The following ZNF451 variants were observed in gnomAD, a reference collection of about 807,000 sequenced individuals.
The protein encoded by ZNF451 is E3 SUMO-protein ligase ZNF451.
Under a neutral mutation model 107.1 loss-of-function variants are expected in ZNF451, and 80 were observed. That is an observed-to-expected ratio of 0.75 (90% confidence interval 0.62 to 0.90). The LOEUF is 0.90. Ranked by LOEUF, ZNF451 falls within the 40% of genes least tolerant of loss-of-function variation. The pLI, the probability that ZNF451 is intolerant of heterozygous loss-of-function variation, is 0.00. For missense variants in ZNF451, 1,107 were observed against 1,236.2 expected (o/e 0.90, Z 1.57); for synonymous variants, 362 against 406.5 (o/e 0.89, Z 1.32).
chr6:57,159,178 T>C, intron 13 of ZNF451: 1 of 985,388 alleles, frequency 1.0e-6, no homozygotes, highest in South Asian at 4.7e-5. Flanking sequence ...TTTTCTCTGT[T>C]CTTCTGATGG....
chr6:57,151,369 C>CT (rs1270478151), intron 11 of ZNF451: 18 of 81,608 alleles, frequency 2.2e-4, no homozygotes, highest in Middle Eastern at 0.011. Context: ...GAGACTCTGT[C>CT]TTAAAAAAAA....
At chr6:57,133,530 C>T (rs899162103) in intron 6 of ZNF451, among the ~76,000 whole-genome samples, 12 of 152,126 alleles carry the variant, frequency 7.9e-5, no homozygotes, top group African/African-American at 2.9e-4. Context: ...AGACAAGGAG[C>T]GTGTACAGAC....
In ZNF451 at chr6:57,163,436, C is replaced by CTTTTTTTTTTT. The variant is rs398001706; in HGVS notation, c.3139+2306_3139+2316dup. Among the ~76,000 whole-genome samples, 191 of 30,334 alleles carry CTTTTTTTTTTT rather than the reference C, an allele frequency of 6.3e-3. 63 individuals are homozygous for CTTTTTTTTTTT. The highest frequency in any genetic ancestry group is 7.8e-3 in the South Asian group (4 of 510). The allele number at this position is 30,334 out of a possible 152,430, so 19.9% of individuals were successfully genotyped here. ...AATGGTTGCTTGTTAAATGAATAAA[C>CTTTTTTTTTTT]TTTTTTTTTTTTTTTTTTTTTTTTT... On this transcript the variant is annotated intron_variant, in intron 14 of 14. Transcript: ENST00000370706.
chr6:57,167,810 A>G (rs1763962260), intron 14 of ZNF451, among the ~76,000 whole-genome samples: 2 of 152,214 alleles, frequency 1.3e-5, no homozygotes, highest in Non-Finnish European at 2.9e-5. Flanking sequence ...CTTGTTCACT[A>G]TTACATTGCT....
At chr6:57,134,711 C>G in intron 6 of ZNF451, 33 bp from the exon 7 acceptor site, 1 of 1,594,090 alleles carries the variant, frequency 6.3e-7, no homozygotes, top group Non-Finnish European at 8.5e-7. Context: ...GTAGATTTAT[C>G]TAATATTACC....
rs1829965718 is a variant in ZNF451 at position 57,108,385 on chromosome 6, T to G, written c.186+9244T>G. 1.3e-5 allele frequency: 13 copies of G among 985,292 alleles called. No homozygotes were observed. In the South Asian group the frequency reaches 5.2e-4, roughly 39 times the overall value. The allele number at this position is 985,292 out of a possible 1,614,324, so 61.0% of individuals were successfully genotyped here. ...ATGGCTGTGTTTCACACTACCTTGA[T>G]TTATAAATGTAGTAATGTGTTAAAT... is the stretch of plus-strand genomic sequence containing the variant. On this transcript the variant is annotated intron_variant, in intron 3 of 14. Transcript: ENST00000370706.
intron 3 of ZNF451, chr6:57,109,423 G>C: frequency 1.0e-6 from 1 of 985,280 alleles, no homozygotes; most frequent in South Asian, 4.7e-5. Flanking sequence ...CAAGTCACTT[G>C]TTTTCTGAGC....
chr6:57,106,083 T>A, intron 3 of ZNF451: 1 of 985,338 alleles, frequency 1.0e-6, no homozygotes, highest in Non-Finnish European at 1.2e-6. Flanking sequence ...ATAATGTCCT[T>A]AAGGACCTGA....
At chr6:57,100,998 A>G in intron 3 of ZNF451, 1 of 1,550,918 alleles carries the variant, frequency 6.4e-7, no homozygotes, top group Non-Finnish European at 8.7e-7. Context: ...AAATGTCCCG[A>G]GTGATACGTG....
At chr6:57,133,676 G>T (rs1038228576) in intron 6 of ZNF451, among the ~76,000 whole-genome samples, 2 of 151,888 alleles carry the variant, frequency 1.3e-5, no homozygotes, top group African/African-American at 4.8e-5. Flanking sequence ...GGTGGTTTTT[G>T]TTTGTTTGTT....
intron 3 of ZNF451, among the ~76,000 whole-genome samples, chr6:57,121,494 C>G (rs1315365310): frequency 6.6e-6 from 1 of 152,132 alleles, no homozygotes; most frequent in South Asian, 2.1e-4. Context: ...AGTGAGTCTT[C>G]TATCTGTGAA....
intron 7 of ZNF451, among the ~76,000 whole-genome samples, chr6:57,140,955 CATT>C (rs1393069645): frequency 6.6e-6 from 1 of 152,012 alleles, no homozygotes; most frequent in East Asian, 1.9e-4. Flanking sequence ...TAAAGCAAAA[CATT>C]AGGAAAAGTG....
chr6:57,150,622 T>C, intron 10 of ZNF451, 97 bp from the exon 11 acceptor site: 1 of 1,265,546 alleles, frequency 7.9e-7, no homozygotes, highest in Non-Finnish European at 1.1e-6. Flanking sequence ...AAGGTTAGTA[T>C]TTTTGCATAT....
intron 3 of ZNF451, chr6:57,103,923 G>A (rs1829723915): frequency 7.1e-6 from 7 of 985,294 alleles, no homozygotes; most frequent in Non-Finnish European, 8.4e-6. Context: ...TACAGAGGTT[G>A]ATGGCGTAAA....
At chr6:57,112,498 A>G (rs1415917710) in intron 3 of ZNF451, among the ~76,000 whole-genome samples, 1 of 152,216 alleles carries the variant, frequency 6.6e-6, no homozygotes, top group Non-Finnish European at 1.5e-5. Flanking sequence ...TCAGGGAGAT[A>G]TTATGACTGT....
At chr6:57,116,466 G>C (rs1830375973) in intron 3 of ZNF451, 1 of 152,196 alleles carries the variant, frequency 6.6e-6, no homozygotes. Flanking sequence ...CAGGAGAATC[G>C]CTTGAATCCA....
At chr6:57,094,513 G>T (rs898566764) in intron 2 of ZNF451, among the ~76,000 whole-genome samples, 14 of 152,070 alleles carry the variant, frequency 9.2e-5, no homozygotes, top group Non-Finnish European at 1.6e-4. Flanking sequence ...AATAGGGCAT[G>T]AGAATGATGG....
At position 57,147,786 on chromosome 6, in the gene ZNF451, A is replaced by T; in HGVS notation, c.1701A>T (p.Glu567Asp). The change falls in exon 10 of 15, where the codon GAA becomes GAT. Residue 567 changes from glutamate to aspartate, a missense_variant. Around this residue, in one of 5 missense-constraint regions of ZNF451, gnomAD observed 608 missense variants for 649.2 expected, o/e 0.94. Coordinates refer to ENST00000370706, the MANE Select transcript of ZNF451 (RefSeq NM_001031623.3). ...HRYFYEMDEV[E>D]GETLPSSSTT... ...ATTTTTATGAGATGGATGAGGTAGA[A>T]GGTGAAACTTTGCCATCATCCTCTA... The T allele has an allele frequency of 1.2e-6, 2 of 1,613,960 alleles. No individual in the cohort carries two copies. The highest frequency in any genetic ancestry group is 1.7e-6 in the Non-Finnish European group (2 of 1,179,986).
intron 13 of ZNF451, among the ~76,000 whole-genome samples, chr6:57,156,858 A>G (rs1474976740): frequency 2.0e-5 from 3 of 152,172 alleles, no homozygotes; most frequent in Non-Finnish European, 4.4e-5. Flanking sequence ...CGTACAACCT[A>G]GATCCCTTGT....
Sources: gnomAD v4.1 joint callset for allele counts (sites outside exome capture counted in the v4.1 genomes callset) on GRCh38, gnomAD v4.1.1 for gene constraint, gnomAD v4.1.1 regional missense constraint, MANE v1.5 for transcripts, NCBI Gene and HGNC (gene_info 2026-07-23, HGNC 2026-07-21) for gene names.